Variants in AKIRIN2 observed in about 807,000 individuals in gnomAD.
AKIRIN2 encodes the protein akirin-2.
AKIRIN2 carries 6 observed loss-of-function variants against 29.3 expected under a neutral mutation model. That is an observed-to-expected ratio of 0.20 (90% confidence interval 0.11 to 0.40). The LOEUF is 0.40. AKIRIN2 is among the 10% of genes least tolerant of loss of function. The pLI, the probability that AKIRIN2 is intolerant of heterozygous loss-of-function variation, is 1.00. For missense variants in AKIRIN2, 210 were observed against 276.1 expected, an observed-to-expected ratio of 0.76 and a Z score of 1.70; for synonymous variants, 128 against 117.5, an observed-to-expected ratio of 1.09 and a Z score of -0.58.
chr6:87,691,788 T>C (rs150380726), intron 1 of AKIRIN2, among the ~76,000 whole-genome samples: 11 of 152,336 alleles, frequency 7.2e-5, no homozygotes, highest in African/African-American at 2.4e-4. Flanking sequence ...TTGAGTGTCA[T>C]GGAAGTCACT....
In AKIRIN2 at chr6:87,677,920, A is replaced by G. The variant is rs982244287; in HGVS notation, c.427T>C (p.Phe143Leu). The change falls in exon 3 of 5, where the codon TTT (phenylalanine) becomes CTT (leucine). Residue 143 changes from phenylalanine to leucine, a missense_variant. Around this residue, in one of 2 missense-constraint regions of AKIRIN2, gnomAD observed 199 missense variants for 236.5 expected, o/e 0.84. Coordinates refer to ENST00000257787, the MANE Select transcript of AKIRIN2 (RefSeq NM_018064.4). ...SSPLKKEQPL[F>L]TLRQVGMICE... ...ATCATCCCAACCTGCCGTAGAGTAAATAAGGGCTGTTCTTTTTTTAATGGT... is the reference window on the plus strand; with the variant it reads ...ATCATCCCAACCTGCCGTAGAGTAAGTAAGGGCTGTTCTTTTTTTAATGGT... 10 of 1,613,972 alleles carry G rather than the reference A, an allele frequency of 6.2e-6. No homozygotes were observed. Among genetic ancestry groups the G allele is most frequent in the African/African-American group, 1.3e-5 (1 of 74,930 alleles).
At chr6:87,696,302 T>C (rs144125149) in intron 1 of AKIRIN2, among the ~76,000 whole-genome samples, 11 of 152,318 alleles carry the variant, frequency 7.2e-5, no homozygotes, top group East Asian at 1.9e-4. Context: ...GTGGCAACCA[T>C]AGTGAATAGT....
At chr6:87,701,409 G>T (rs1273264199) in intron 1 of AKIRIN2, 41 bp downstream of exon 1, 1 of 1,528,976 alleles carries the variant, frequency 6.5e-7, no homozygotes, top group Non-Finnish European at 8.8e-7. Flanking sequence ...CCTGTTCCCA[G>T]TTCTCTCCAC....
In AKIRIN2 at chr6:87,675,853, T is replaced by C. The variant is rs1263566182; in HGVS notation, c.601+7A>G. ...TCAGTTTATAACTTCAAAGGTGAAA[T>C]ACTTACAGCTAGCAGGCTGTTCTCC... is the stretch of plus-strand genomic sequence containing the variant. On this transcript the variant is annotated splice_region_variant and intron_variant, in intron 4 of 4. Transcript: ENST00000257787. 3 of 1,611,126 alleles carry C rather than the reference T, an allele frequency of 1.9e-6. No homozygotes were observed. The highest frequency in any genetic ancestry group is 8.5e-7 in the Non-Finnish European group (1 of 1,178,486).
intron 1 of AKIRIN2, among the ~76,000 whole-genome samples, chr6:87,696,291 C>T (rs1390241941): frequency 6.6e-6 from 1 of 152,148 alleles, no homozygotes; most frequent in Admixed American, 6.6e-5. Flanking sequence ...GTTATGTCTC[C>T]GTGGCAACCA....
intron 1 of AKIRIN2, among the ~76,000 whole-genome samples, chr6:87,699,704 T>C (rs141698785): frequency 2.6e-5 from 4 of 152,312 alleles, no homozygotes; most frequent in African/African-American, 9.6e-5. Flanking sequence ...GCTACAGATA[T>C]GCCAATGAAA....
At chr6:87,688,591 CA>C (rs111954397) in intron 1 of AKIRIN2, among the ~76,000 whole-genome samples, 14 of 150,918 alleles carry the variant, frequency 9.3e-5, no homozygotes, top group African/African-American at 2.9e-4. Flanking sequence ...ACTAAAAATA[CA>C]AAAAAAAATT....
At chr6:87,681,803 T>C (rs1170787471) in intron 1 of AKIRIN2, 40 bp from the exon 2 acceptor site, 4 of 1,490,212 alleles carry the variant, frequency 2.7e-6, no homozygotes, top group Admixed American at 4.7e-5. Flanking sequence ...ATAAAAACTT[T>C]CACATTAAAA....
In AKIRIN2 at chr6:87,678,360, G is replaced by T. The variant is rs544973796; in HGVS notation, c.380-393C>A. On this transcript the variant is annotated intron_variant, in intron 2 of 4. Coordinates refer to ENST00000257787, the MANE Select transcript of AKIRIN2 (RefSeq NM_018064.4). Reference sequence around the variant, plus strand: ...TAAAAATACATAAAAAAATTAGCCAGGCATGGTGGCGGGCACCTGTAATCC... The same window carrying T: ...TAAAAATACATAAAAAAATTAGCCATGCATGGTGGCGGGCACCTGTAATCC... 3.3e-5 allele frequency among the ~76,000 whole-genome samples: 5 copies of T among 151,982 alleles called. No individual in the cohort carries two copies. The South Asian group carries it at 1.0e-3, about 32-fold the overall frequency.
In AKIRIN2 at chr6:87,679,760, T is replaced by C. The variant is rs1771088493; in HGVS notation, c.380-1793A>G. On this transcript the variant is annotated intron_variant, in intron 2 of 4. Transcript: ENST00000257787. ...ATTTCAAATATTCCTTCAGCATTTT[T>C]ATACCTATTAGGATATTTTTAATAA... 2.0e-5 allele frequency among the ~76,000 whole-genome samples: 3 copies of C among 152,360 alleles called. No individual in the cohort carries two copies. The South Asian group carries it at 6.2e-4, about 32-fold the overall frequency.
intron 2 of AKIRIN2, 144 bp from the exon 3 acceptor site, chr6:87,678,111 G>C: frequency 1.4e-6 from 1 of 722,656 alleles, no homozygotes; most frequent in Non-Finnish European, 2.1e-6. Flanking sequence ...CATTTCACAA[G>C]TCTTAAAACA....
At chr6:87,694,918 AG>A (rs1267876522) in intron 1 of AKIRIN2, among the ~76,000 whole-genome samples, 5 of 152,228 alleles carry the variant, frequency 3.3e-5, no homozygotes, top group Admixed American at 2.6e-4. Context: ...TAAATATCAA[AG>A]CTGAAAAACT....
intron 1 of AKIRIN2, among the ~76,000 whole-genome samples, chr6:87,696,800 G>C (rs1771373587): frequency 6.6e-6 from 1 of 151,656 alleles, no homozygotes; most frequent in Non-Finnish European, 1.5e-5. Flanking sequence ...GAGGTGAGGA[G>C]TTCAAGACCA....
At chr6:87,696,627 G>A (rs188944945) in intron 1 of AKIRIN2, among the ~76,000 whole-genome samples, 1,537 of 151,016 alleles carry the variant, frequency 0.01, 26 homozygotes, top group African/African-American at 0.034. Context: ...CGTGAACCCG[G>A]GAGGCAGAGC....
At chr6:87,696,943 T>C (rs1582126208) in intron 1 of AKIRIN2, among the ~76,000 whole-genome samples, 1 of 150,532 alleles carries the variant, frequency 6.6e-6, no homozygotes, top group African/African-American at 2.5e-5. Context: ...GAGGTGGAGG[T>C]TGCAGTGAGC....
chr6:87,695,283 C>T (rs1771342699), intron 1 of AKIRIN2, among the ~76,000 whole-genome samples: 1 of 151,838 alleles, frequency 6.6e-6, no homozygotes, highest in East Asian at 1.9e-4. Flanking sequence ...GTATTTATTA[C>T]GACTCGTTGG....
At chr6:87,688,450 A>AT (rs1342295605) in intron 1 of AKIRIN2, among the ~76,000 whole-genome samples, 1 of 151,480 alleles carries the variant, frequency 6.6e-6, no homozygotes, top group Non-Finnish European at 1.5e-5. Flanking sequence ...CTTTAAAAAA[A>AT]TAAAAAAAAA....
chr6:87,699,203 T>C (rs1358981050), intron 1 of AKIRIN2, among the ~76,000 whole-genome samples: 1 of 152,162 alleles, frequency 6.6e-6, no homozygotes, highest in African/African-American at 2.4e-5. Context: ...AGAAAATTAT[T>C]TCCAAGTTTA....
chr6:87,701,537 A>C lies in AKIRIN2; in HGVS notation c.148T>G (p.Ser50Ala), dbSNP rs1223708650. The change falls in exon 1 of 5, where the codon TCC (serine) becomes GCC (alanine). Residue 50 changes from serine to alanine, a missense_variant. By Grantham distance (99) the Ser-to-Ala change is moderately conservative. Transcript: ENST00000257787. ...GGCGAGGCGGCCGCAGCGGAGAAGG[A>C]GGCGGCGGTGGCCGCGGCCGCCGAC... ...PLSAAAATAA[S>A]FSAAAASPQK... 3.5e-6 allele frequency: 5 copies of C among 1,428,260 alleles called. No individual in the cohort carries two copies. Among genetic ancestry groups the C allele is most frequent in the South Asian group, 2.9e-5 (2 of 69,312 alleles). The allele number at this position is 1,428,260 out of a possible 1,614,324, so 88.5% of individuals were successfully genotyped here. A position where few individuals can be genotyped will look rare whatever the true frequency, so the allele number is the denominator to read the frequency against.
Sources: gnomAD v4.1 joint callset for allele counts (sites outside exome capture counted in the v4.1 genomes callset) on GRCh38, gnomAD v4.1.1 for gene constraint, gnomAD v4.1.1 regional missense constraint, MANE v1.5 for transcripts, NCBI Gene and HGNC (gene_info 2026-07-23, HGNC 2026-07-21) for gene names.